CEBPZ: variants seen among roughly 807,000 people sequenced by gnomAD.
CEBPZ encodes the protein CCAAT enhancer binding protein zeta.
In CEBPZ, 78 loss-of-function variants were observed where a neutral mutation model predicts 104.5. The ratio of observed to expected loss-of-function variants is 0.75; its 90% CI spans 0.62 to 0.90. The LOEUF is 0.90. Ranked by LOEUF, CEBPZ falls within the 40% of genes least tolerant of loss-of-function variation. The pLI is 0.00. For missense variants in CEBPZ, 1,439 were observed against 1,233.5 expected (o/e 1.17, Z -2.50); for synonymous variants, 470 against 427.0 (o/e 1.10, Z -1.24).
chr2:37,210,855 T>C (rs1034514069), intron 13 of CEBPZ, 144 bp downstream of exon 13: 1 of 493,176 alleles, frequency 2.0e-6, no homozygotes, highest in Admixed American at 3.8e-5. Flanking sequence ...TGGAAAATAA[T>C]TTCCACTTAA....
intron 13 of CEBPZ, chr2:37,209,008 G>T (rs1321597322): frequency 1.4e-5 from 2 of 141,720 alleles, no homozygotes; most frequent in Non-Finnish European, 3.0e-5. Context: ...ACCAAGCTGA[G>T]AATCAAATCA....
chr2:37,204,105 T>G (rs1026390358), intron 13 of CEBPZ: 1 of 152,160 alleles, frequency 6.6e-6, no homozygotes, highest in East Asian at 1.9e-4. Flanking sequence ...ATAATACACA[T>G]TTGCATGCAT....
chr2:37,217,914 C>T (rs182508513), intron 5 of CEBPZ, among the ~76,000 whole-genome samples: 42 of 123,700 alleles, frequency 3.4e-4, no homozygotes, highest in African/African-American at 1.3e-3. Flanking sequence ...AAAAAAAAAA[C>T]AAAAAACAAA....
At chr2:37,207,010 A>G (rs756868174) in intron 13 of CEBPZ, among the ~76,000 whole-genome samples, 8 of 152,226 alleles carry the variant, frequency 5.3e-5, no homozygotes, top group Non-Finnish European at 7.3e-5. Context: ...CTATTCTTAT[A>G]TCAGACAAAA....
At chr2:37,209,458 G>A (rs1403642907) in intron 13 of CEBPZ, 1 of 152,094 alleles carries the variant, frequency 6.6e-6, no homozygotes, top group Non-Finnish European at 1.5e-5. Flanking sequence ...GTAGACCAAT[G>A]GAACAGAATA....
Position 37,216,118 on chromosome 2 carries a change from ACTGT to A in CEBPZ, c.2380+18_2380+21del. On this transcript the variant is annotated intron_variant, in intron 8 of 15. Transcript: ENST00000234170. ...GTCTTATATTGTCTTTTCAGTTTCAACTGTCTAAGGTTTATACTTACCAGGAAGA... is the reference window on the plus strand; with the variant it reads ...GTCTTATATTGTCTTTTCAGTTTCAACTAAGGTTTATACTTACCAGGAAGA... 1.4e-5 allele frequency: 22 copies of A among 1,553,136 alleles called. No individual in the cohort carries two copies. Among genetic ancestry groups the A allele is most frequent in the Non-Finnish European group, 1.8e-5 (21 of 1,138,078 alleles).
rs191315393 is a variant in CEBPZ at position 37,229,070 on chromosome 2, A to G, written c.157-34T>C. 2.6e-5 allele frequency: 36 copies of G among 1,395,368 alleles called. No homozygotes were observed. The East Asian group carries it at 7.1e-4, about 28-fold the overall frequency. The allele number at this position is 1,395,368 out of a possible 1,614,324, so 86.4% of individuals were successfully genotyped here. A position where few individuals can be genotyped will look rare whatever the true frequency, so the allele number is the denominator to read the frequency against. ...AAAACATAAGTTAAAAATACATTAC[A>G]AATGTGAAAAATAAAACCATAAAAT... On this transcript the variant is annotated intron_variant, in intron 1 of 15. Transcript: ENST00000234170.
intron 8 of CEBPZ, chr2:37,215,570 A>G (rs1413870909): frequency 1.3e-5 from 2 of 152,430 alleles, no homozygotes; most frequent in Non-Finnish European, 2.9e-5. Flanking sequence ...CTGGAAATTA[A>G]ATGATCTATA....
At chr2:37,225,251 T>C (rs1664856622) in intron 2 of CEBPZ, among the ~76,000 whole-genome samples, 1 of 152,226 alleles carries the variant, frequency 6.6e-6, no homozygotes, top group African/African-American at 2.4e-5. Context: ...CAAGTGGACC[T>C]GGACTTGCCA....
intron 4 of CEBPZ, among the ~76,000 whole-genome samples, chr2:37,221,741 A>G (rs1664775680): frequency 6.6e-6 from 1 of 152,174 alleles, no homozygotes; most frequent in Non-Finnish European, 1.5e-5. Context: ...CACAAACTGA[A>G]ATTTGTAGAT....
At chr2:37,203,462 T>TA (rs60652580) in intron 13 of CEBPZ, 24 of 150,110 alleles carry the variant, frequency 1.6e-4, no homozygotes, top group East Asian at 7.8e-4. Context: ...GGTTCTCCTT[T>TA]AAAAAAAAAA....
chr2:37,220,440 CT>C lies in CEBPZ; in HGVS notation c.2098del (p.Ser700ValfsTer53). On this transcript the variant is annotated frameshift_variant, in exon 5 of 16. Transcript: ENST00000234170. LOFTEE classifies it high-confidence loss of function. ...GKQLNKYDPFSRNPLFCGAEN... is the reference protein window; with the variant it reads ...GKQLNKYDPFXRNPLFCGAEN... ...AGCTCCACAGAACAGAGGGTTTCTACTGAATGGATCGTATTTATTTAACTGT... is the reference window on the plus strand; with the variant it reads ...AGCTCCACAGAACAGAGGGTTTCTACGAATGGATCGTATTTATTTAACTGT... 1.2e-6 allele frequency: 2 copies of C among 1,600,094 alleles called. No individual in the cohort carries two copies. The highest frequency in any genetic ancestry group is 1.7e-6 in the Non-Finnish European group (2 of 1,171,204).
chr2:37,231,581 T>C lies in CEBPZ; in HGVS notation c.-14A>G, dbSNP rs747800646. On this transcript the variant is annotated 5_prime_UTR_variant, in exon 1 of 16. An upstream start codon of the reference 5' UTR is lost. Coordinates refer to ENST00000234170, the MANE Select transcript of CEBPZ (RefSeq NM_005760.3). ...GACTGCGGCCATGGCGGGCAAAGCA[T>C]ACGCGCGTGAAACTCAGCCTATTTC... 1.5e-5 allele frequency: 24 copies of C among 1,614,124 alleles called. No homozygotes were observed. The highest frequency in any genetic ancestry group is 1.7e-5 in the Non-Finnish European group (20 of 1,180,048).
intron 10 of CEBPZ, among the ~76,000 whole-genome samples, chr2:37,213,269 T>G (rs1157702575): frequency 2.0e-5 from 3 of 152,174 alleles, no homozygotes; most frequent in Non-Finnish European, 2.9e-5. Flanking sequence ...AAAGGATTTC[T>G]TTTTCACATG....
intron 12 of CEBPZ, chr2:37,211,433 G>A (rs1460797886): frequency 4.3e-6 from 1 of 233,106 alleles, no homozygotes; most frequent in Non-Finnish European, 8.2e-6. Flanking sequence ...GGACAGAAAG[G>A]TCAGACAACA....
At chr2:37,216,664 C>A (rs975226034) in intron 6 of CEBPZ, among the ~76,000 whole-genome samples, 15 of 152,198 alleles carry the variant, frequency 9.9e-5, no homozygotes, top group African/African-American at 3.6e-4. Context: ...TAATGCAGGC[C>A]ATCTAACCAT....
intron 5 of CEBPZ, 50 bp from the exon 6 acceptor site, chr2:37,217,087 G>C (rs762499244): frequency 2.7e-6 from 4 of 1,466,338 alleles, no homozygotes; most frequent in Non-Finnish European, 3.8e-6. Context: ...TCGACTCTTA[G>C]TACATTTATA....
chr2:37,206,546 T>G lies in CEBPZ; in HGVS notation c.2885-3538A>C, dbSNP rs974333582. Among the ~76,000 whole-genome samples, 6 of 152,206 alleles carry G rather than the reference T, an allele frequency of 3.9e-5. No individual in the cohort carries two copies. The East Asian group carries it at 9.7e-4, about 25-fold the overall frequency. ...CTAATTTTTGTATTTTTTGTAGAGA[T>G]AGGGTTTTGCCATGTTGGCCAGGCT... On this transcript the variant is annotated intron_variant, in intron 13 of 15. Coordinates refer to ENST00000234170, the MANE Select transcript of CEBPZ (RefSeq NM_005760.3).
intron 10 of CEBPZ, among the ~76,000 whole-genome samples, chr2:37,213,058 A>C (rs572470319): frequency 6.0e-4 from 91 of 152,134 alleles, no homozygotes; most frequent in African/African-American, 2.0e-3. Flanking sequence ...ACAAACAAAC[A>C]AACCCCCCAA....
Sources: allele counts gnomAD v4.1 joint callset (sites outside exome capture counted in the v4.1 genomes callset), GRCh38; gene constraint gnomAD v4.1.1; transcripts MANE v1.5; gene names NCBI Gene and HGNC (gene_info 2026-07-23, HGNC 2026-07-21).